The following FBN2 variants were observed in gnomAD, a reference collection of about 807,000 sequenced individuals.
FBN2 encodes fibrillin-2.
FBN2 carries 105 observed loss-of-function variants against 355.6 expected under a neutral mutation model. The ratio of observed to expected loss-of-function variants is 0.30; its 90% CI spans 0.25 to 0.35. The LOEUF is 0.35. FBN2 is among the 10% of genes least tolerant of loss of function. The probability of loss-of-function intolerance (pLI) is 1.00; values close to 1 mark genes in which losing one functional copy is unlikely to be tolerated. For synonymous variants in FBN2, 1,350 were observed against 1,301.2 expected, an observed-to-expected ratio of 1.04 and a Z score of -0.81; for missense variants, 3,280 against 3,758.7, an observed-to-expected ratio of 0.87 and a Z score of 3.33.
At chr5:128,508,778 T>C (rs1462021800) in intron 5 of FBN2, among the ~76,000 whole-genome samples, 1 of 152,086 alleles carries the variant, frequency 6.6e-6, no homozygotes, top group African/African-American at 2.4e-5. Context: ...TGCAGGTGAC[T>C]GGAAAATGAA....
At chr5:128,499,401 A>ACCTTATAGC (rs1264886038) in intron 5 of FBN2, among the ~76,000 whole-genome samples, 2 of 152,156 alleles carry the variant, frequency 1.3e-5, no homozygotes, top group Non-Finnish European at 2.9e-5. Flanking sequence ...CACAAACTTC[A>ACCTTATAGC]CCTTATAGCA....
intron 8 of FBN2, among the ~76,000 whole-genome samples, chr5:128,402,904 G>C (rs940369942): frequency 1.8e-4 from 27 of 152,196 alleles, no homozygotes; most frequent in African/African-American, 6.5e-4. Flanking sequence ...GCAATGAAAA[G>C]GAACCACTGT....
intron 34 of FBN2, among the ~76,000 whole-genome samples, chr5:128,321,039 T>C (rs1227229542): frequency 6.6e-6 from 1 of 152,180 alleles, no homozygotes; most frequent in Non-Finnish European, 1.5e-5. Flanking sequence ...CTTAAAGGGA[T>C]CAATAATGGT....
intron 48 of FBN2, among the ~76,000 whole-genome samples, chr5:128,295,268 G>A (rs1310893605): frequency 1.1e-4 from 17 of 151,884 alleles, no homozygotes; most frequent in African/African-American, 3.6e-4. Context: ...GTCAGGTAGT[G>A]TGATGCCTCC....
chr5:128,382,453 G>A (rs772456215), intron 11 of FBN2, among the ~76,000 whole-genome samples: 14 of 151,992 alleles, frequency 9.2e-5, no homozygotes, highest in Non-Finnish European at 1.8e-4. Context: ...TTGTCCTGTT[G>A]TTCAGCTTGG....
At chr5:128,333,991 C>T (rs1192883253) in intron 31 of FBN2, among the ~76,000 whole-genome samples, 2 of 151,908 alleles carry the variant, frequency 1.3e-5, no homozygotes, top group African/African-American at 4.8e-5. Context: ...TTAAGTCTTC[C>T]ACCACCTGCC....
chr5:128,356,073 A>G (rs1027262598), intron 20 of FBN2, among the ~76,000 whole-genome samples: 2 of 152,162 alleles, frequency 1.3e-5, no homozygotes, highest in Non-Finnish European at 2.9e-5. Context: ...CTCCATCTCA[A>G]TTGGAAATTG....
At chr5:128,405,379 G>A (rs1264140487) in intron 8 of FBN2, among the ~76,000 whole-genome samples, 1 of 152,064 alleles carries the variant, frequency 6.6e-6, no homozygotes, top group East Asian at 1.9e-4. Flanking sequence ...GGTTAGAGAT[G>A]ACTCAGGAAT....
chr5:128,462,314 C>T (rs1213284995), intron 6 of FBN2, among the ~76,000 whole-genome samples: 3 of 151,430 alleles, frequency 2.0e-5, no homozygotes, highest in Non-Finnish European at 2.9e-5. Context: ...TTTTTCATGC[C>T]CCATCTCTTC....
At chr5:128,434,422 A>ATATATATATATATATATATATATATG (rs1561455185) in intron 7 of FBN2, among the ~76,000 whole-genome samples, 27 of 132,698 alleles carry the variant, frequency 2.0e-4, no homozygotes, top group African/African-American at 8.2e-4. Context: ...ATATATATAT[A>ATATATATATATATATATATATATATG]TATGGGCAGT....
chr5:128,465,955 T>C (rs1176232298), intron 5 of FBN2, among the ~76,000 whole-genome samples: 2 of 152,146 alleles, frequency 1.3e-5, no homozygotes, highest in Non-Finnish European at 2.9e-5. Context: ...CACCTTGGAG[T>C]TTCAGAAGGG....
At chr5:128,487,067 C>A (rs953404100) in intron 5 of FBN2, among the ~76,000 whole-genome samples, 1 of 152,120 alleles carries the variant, frequency 6.6e-6, no homozygotes, top group Non-Finnish European at 1.5e-5. Context: ...ACGTATCTGC[C>A]CCCTTTAAAA....
intron 21 of FBN2, 68 bp downstream of exon 21, chr5:128,350,800 A>T (rs928232224): frequency 1.0e-4 from 160 of 1,565,056 alleles, no homozygotes; most frequent in Non-Finnish European, 1.2e-4. Flanking sequence ...CTGCGTAGTG[A>T]AAGAGGTGTC....
At chr5:128,420,298 T>C (rs1175576845) in intron 7 of FBN2, among the ~76,000 whole-genome samples, 1 of 152,176 alleles carries the variant, frequency 6.6e-6, no homozygotes, top group Non-Finnish European at 1.5e-5. Flanking sequence ...ATTCTTATTA[T>C]AAACAAGAAA....
chr5:128,393,037 G>A (rs2126978638), intron 10 of FBN2, 98 bp downstream of exon 10: 1 of 965,798 alleles, frequency 1.0e-6, no homozygotes, highest in Non-Finnish European at 1.7e-6. Flanking sequence ...GTGCAAGTGT[G>A]TTCATACAAC....
In FBN2 at chr5:128,528,775, A is replaced by G. The variant is rs73787619; in HGVS notation, c.437-808T>C. 9.7e-3 allele frequency among the ~76,000 whole-genome samples: 1,479 copies of G among 152,312 alleles called. 23 individuals are homozygous for G. Among genetic ancestry groups the G allele is most frequent in the African/African-American group, 0.034 (1,407 of 41,574 alleles). On this transcript the variant is annotated intron_variant, in intron 3 of 64. Coordinates refer to ENST00000262464, the MANE Select transcript of FBN2 (RefSeq NM_001999.4). The stretch of plus-strand genomic sequence containing the variant: ...AGTCATTGAAAGGATTTAAATGAGA[A>G]AGTGAAGTGATGTAATCTATATTTT...
rs541082635 is a variant in FBN2, at chr5:128,281,804, GC to G, written c.7013-1488del. Among the ~76,000 whole-genome samples, 34 of 152,196 alleles carry G rather than the reference GC, an allele frequency of 2.2e-4. 1 individual carries two copies. The highest frequency in any genetic ancestry group is 2.1e-3 in the Admixed American group (32 of 15,282). The stretch of plus-strand genomic sequence containing the variant: ...GGGTTCACGCCATTCTCCTGCCTCA[GC>G]CTCCTGAGTAGCTGGGACTACAGGC... On this transcript the variant is annotated intron_variant, in intron 55 of 64. Coordinates refer to ENST00000262464, the MANE Select transcript of FBN2 (RefSeq NM_001999.4).
chr5:128,461,205 A>C (rs1754544690), intron 6 of FBN2, among the ~76,000 whole-genome samples: 1 of 152,200 alleles, frequency 6.6e-6, no homozygotes, highest in Non-Finnish European at 1.5e-5. Context: ...ATATGAACAG[A>C]CACTTCTCAA....
At chr5:128,396,387 G>A (rs992121049) in intron 8 of FBN2, among the ~76,000 whole-genome samples, 2 of 152,190 alleles carry the variant, frequency 1.3e-5, no homozygotes, top group Non-Finnish European at 2.9e-5. Context: ...GCCAGAGCCA[G>A]ATGAGACAGT....
Sources: allele counts gnomAD v4.1 joint callset (sites outside exome capture counted in the v4.1 genomes callset), GRCh38; gene constraint gnomAD v4.1.1; transcripts MANE v1.5; gene names NCBI Gene and HGNC (gene_info 2026-07-23, HGNC 2026-07-21).